The following ZDHHC14 variants were observed in gnomAD, a reference collection of about 807,000 sequenced individuals.
ZDHHC14 encodes the protein zDHHC palmitoyltransferase 14.
A neutral mutation model predicts 47.7 loss-of-function variants in ZDHHC14; 16 were observed. That is an observed-to-expected ratio of 0.34 (90% confidence interval 0.23 to 0.51). The LOEUF (loss-of-function observed/expected upper bound fraction) is 0.51, where lower values mean the gene tolerates loss of function less well. Ranked by LOEUF, ZDHHC14 falls within the 20% of genes least tolerant of loss-of-function variation. ZDHHC14 has a pLI of 0.97. For synonymous variants in ZDHHC14, 293 were observed against 278.9 expected (o/e 1.05, Z -0.50); for missense variants, 515 against 662.5 (o/e 0.78, Z 2.44).
At chr6:157,607,984 G>A (rs1007006366) in intron 3 of ZDHHC14, among the ~76,000 whole-genome samples, 2 of 152,240 alleles carry the variant, frequency 1.3e-5, no homozygotes, top group Admixed American at 1.3e-4. Flanking sequence ...ACAATGCGAT[G>A]TGCCATTATA....
At chr6:157,580,463 A>G (rs1300866758) in intron 2 of ZDHHC14, among the ~76,000 whole-genome samples, 2 of 152,130 alleles carry the variant, frequency 1.3e-5, no homozygotes, top group African/African-American at 4.8e-5. Context: ...TTCAGTAGGA[A>G]TGGTACCAGC....
At chr6:157,585,124 T>C (rs1236276586) in intron 2 of ZDHHC14, among the ~76,000 whole-genome samples, 1 of 152,006 alleles carries the variant, frequency 6.6e-6, no homozygotes, top group African/African-American at 2.4e-5. Flanking sequence ...GGAGAATTGC[T>C]TGAACCCAGG....
intron 1 of ZDHHC14, among the ~76,000 whole-genome samples, chr6:157,511,370 G>C (rs1448848414): frequency 6.7e-6 from 1 of 148,658 alleles, no homozygotes; most frequent in African/African-American, 2.5e-5. Context: ...GTGGTGGTGA[G>C]AGTGCATGAG....
chr6:157,648,422 G>A (rs574188914), intron 7 of ZDHHC14, among the ~76,000 whole-genome samples: 80 of 152,024 alleles, frequency 5.3e-4, no homozygotes, highest in African/African-American at 1.6e-3. Context: ...CCTCATTAGA[G>A]AGGTAAAAAG....
At chr6:157,637,173 G>C (rs140095916) in intron 5 of ZDHHC14, among the ~76,000 whole-genome samples, 4,772 of 152,284 alleles carry the variant, frequency 0.031, 269 homozygotes, top group African/African-American at 0.11. Context: ...TATTTTTGGT[G>C]CCTGTCTTTC....
At chr6:157,630,713 TTACACACC>T (rs980299100) in intron 4 of ZDHHC14, 12 of 147,496 alleles carry the variant, frequency 8.1e-5, no homozygotes, top group African/African-American at 3.1e-4. Flanking sequence ...ACACATACCC[TTACACACC>T]CACACACCGC....
chr6:157,628,695 C>T, intron 4 of ZDHHC14: 2 of 600,304 alleles, frequency 3.3e-6, no homozygotes, highest in Non-Finnish European at 5.6e-6. Flanking sequence ...CACTCCCCAC[C>T]CCATCTTTCA....
rs540058160 is a variant in ZDHHC14 at position 157,382,504 on chromosome 6, G to A, written c.245+238G>A. The stretch of plus-strand genomic sequence containing the variant: ...GAGGGAAGGGGTCCACTTGCAAGGG[G>A]GGCCAGGCCTTGCCAATCCAGGTGG... On this transcript the variant is annotated intron_variant, in intron 1 of 8. Coordinates refer to ENST00000359775, the MANE Select transcript of ZDHHC14 (RefSeq NM_024630.3). 2.0e-5 allele frequency among the ~76,000 whole-genome samples: 3 copies of A among 152,322 alleles called. No individual in the cohort carries two copies. The East Asian group carries it at 5.8e-4, about 29-fold the overall frequency.
chr6:157,406,584 G>A (rs1472058203), intron 1 of ZDHHC14, among the ~76,000 whole-genome samples: 1 of 152,160 alleles, frequency 6.6e-6, no homozygotes, highest in East Asian at 1.9e-4. Flanking sequence ...GCACCTTCAG[G>A]TAAATGTAAG....
intron 3 of ZDHHC14, among the ~76,000 whole-genome samples, chr6:157,606,757 G>A (rs1047464167): frequency 3.3e-5 from 5 of 152,236 alleles, no homozygotes; most frequent in African/African-American, 1.2e-4. Flanking sequence ...TCTAGGGTTT[G>A]TTTAGAGCAG....
chr6:157,609,508 G>A (rs544372997), intron 3 of ZDHHC14, among the ~76,000 whole-genome samples: 2 of 152,272 alleles, frequency 1.3e-5, no homozygotes, highest in South Asian at 4.2e-4. Flanking sequence ...TCTTTTGCCC[G>A]GTGATCTACA....
intron 2 of ZDHHC14, among the ~76,000 whole-genome samples, chr6:157,574,634 C>T (rs1582963972): frequency 6.6e-6 from 1 of 152,182 alleles, no homozygotes; most frequent in South Asian, 2.1e-4. Flanking sequence ...ATCCAAGACT[C>T]ACCCTGGTCA....
intron 1 of ZDHHC14, among the ~76,000 whole-genome samples, chr6:157,460,183 A>AC (rs1345717063): frequency 6.6e-6 from 1 of 151,852 alleles, no homozygotes; most frequent in Non-Finnish European, 1.5e-5. Flanking sequence ...AGCCTGGGCA[A>AC]CAGAGTGAGA....
At chr6:157,397,796 G>A (rs1198473572) in intron 1 of ZDHHC14, among the ~76,000 whole-genome samples, 2 of 152,200 alleles carry the variant, frequency 1.3e-5, no homozygotes, top group African/African-American at 4.8e-5. Context: ...TTTCTGCAGC[G>A]CTCTGAAGGG....
At chr6:157,515,667 G>T (rs899808259) in intron 1 of ZDHHC14, among the ~76,000 whole-genome samples, 1 of 151,364 alleles carries the variant, frequency 6.6e-6, no homozygotes, top group Non-Finnish European at 1.5e-5. Context: ...GGGTTTCACC[G>T]TGTTAGCCTG....
Position 157,615,281 on chromosome 6 carries a change from T to A in ZDHHC14, c.566-13068T>A, listed in dbSNP as rs112186563. 2.0e-3 allele frequency among the ~76,000 whole-genome samples: 308 copies of A among 152,342 alleles called. 3 individuals carry two copies. Among genetic ancestry groups the A allele is most frequent in the African/African-American group, 7.1e-3 (297 of 41,584 alleles). On this transcript the variant is annotated intron_variant, in intron 3 of 8. Coordinates refer to ENST00000359775, the MANE Select transcript of ZDHHC14 (RefSeq NM_024630.3). ...AACAAGAAACAAAAACAGCACACTG[T>A]ATTTAGAGCTCCAGACGTCTGTGCG...
At chr6:157,409,877 G>A (rs188207691) in intron 1 of ZDHHC14, among the ~76,000 whole-genome samples, 2 of 151,980 alleles carry the variant, frequency 1.3e-5, no homozygotes, top group African/African-American at 4.8e-5. Flanking sequence ...CACCCAGACT[G>A]GAGTGCAGTG....
intron 5 of ZDHHC14, among the ~76,000 whole-genome samples, chr6:157,637,058 C>T (rs768535078): frequency 2.6e-5 from 4 of 152,260 alleles, no homozygotes; most frequent in South Asian, 2.1e-4. Context: ...AGTAAGCATG[C>T]GTTGGGTGCT....
intron 1 of ZDHHC14, among the ~76,000 whole-genome samples, chr6:157,398,055 CCCCCAGCTCCCCAGCT>C (rs1289749618): frequency 6.7e-6 from 1 of 150,148 alleles, no homozygotes; most frequent in Admixed American, 6.6e-5. Context: ...GCTCCCCAGC[CCCCCAGCTCCCCAGCT>C]CCCCAGCTCC....
Sources: allele counts gnomAD v4.1 joint callset (sites outside exome capture counted in the v4.1 genomes callset), GRCh38; gene constraint gnomAD v4.1.1; transcripts MANE v1.5; gene names NCBI Gene and HGNC (gene_info 2026-07-23, HGNC 2026-07-21).